STXBP4: variants seen among roughly 807,000 people sequenced by gnomAD.
The protein encoded by STXBP4 is syntaxin-binding protein 4.
STXBP4 carries 55 observed loss-of-function variants against 76.1 expected under a neutral mutation model. The ratio of observed to expected loss-of-function variants is 0.72; its 90% confidence interval spans 0.58 to 0.91. The LOEUF is 0.91. STXBP4 is among the 40% of genes least tolerant of loss of function. STXBP4 has a pLI of 0.00. For synonymous variants in STXBP4, 201 were observed against 220.2 expected (o/e 0.91, Z 0.77); for missense variants, 618 against 636.9 (o/e 0.97, Z 0.32).
At chr17:55,078,831 C>A in intron 15 of STXBP4, 96 bp downstream of exon 15, 2 of 728,760 alleles carry the variant, frequency 2.7e-6, no homozygotes, top group Non-Finnish European at 4.9e-6. Context: ...CTTAAATAGT[C>A]CTAAGGTGCT....
At chr17:55,062,587 G>A (rs951837663) in intron 12 of STXBP4, among the ~76,000 whole-genome samples, 19 of 152,158 alleles carry the variant, frequency 1.2e-4, no homozygotes, top group Admixed American at 6.5e-5. Flanking sequence ...ATAGTAGAAT[G>A]ATTTATAATC....
rs754102876 is a variant in STXBP4, at chr17:54,999,697, T to G, written c.353T>G (p.Leu118Arg). The G allele has an allele frequency of 1.1e-5, 18 of 1,613,652 alleles. No homozygotes were observed. The African/African-American group carries it at 1.9e-4, about 17-fold the overall frequency. The change falls in exon 6 of 18, where the codon CTG (leucine) becomes CGG (arginine). Residue 118 changes from leucine to arginine, a missense_variant. Transcript: ENST00000376352. Reference protein sequence around the residue: ...QKSDNIQPENLSCTSLIEASG... With the variant: ...QKSDNIQPENRSCTSLIEASG... ...TCCGACAACATTCAGCCAGAAAATC[T>G]GTCATGTACATCACTTATAGAAGCT...
intron 12 of STXBP4, among the ~76,000 whole-genome samples, chr17:55,068,916 G>A (rs1041155559): frequency 3.9e-5 from 6 of 152,058 alleles, no homozygotes; most frequent in Non-Finnish European, 4.4e-5. Context: ...TGGGGGAAAA[G>A]TACTGTATGT....
downstream of STXBP4, among the ~76,000 whole-genome samples, chr17:55,174,520 C>T (rs1452916355): frequency 6.6e-6 from 1 of 152,040 alleles, no homozygotes; most frequent in Non-Finnish European, 1.5e-5. Flanking sequence ...AATATTTTGC[C>T]CATTTTTTTA....
intron 16 of STXBP4, among the ~76,000 whole-genome samples, chr17:55,114,798 C>G (rs2079761885): frequency 6.6e-6 from 1 of 151,758 alleles, no homozygotes; most frequent in Non-Finnish European, 1.5e-5. Context: ...CAAAAAGAAG[C>G]CCTAAGTTCT....
rs115712434 is a variant in STXBP4, at chr17:55,124,750, T to G, written c.1490-16560T>G. 9.8e-3 allele frequency among the ~76,000 whole-genome samples: 1,486 copies of G among 152,320 alleles called. 21 individuals carry two copies. Among genetic ancestry groups the G allele is most frequent in the African/African-American group, 0.034 (1,395 of 41,556 alleles). On this transcript the variant is annotated intron_variant, in intron 16 of 17. Transcript: ENST00000376352. ...CCTGAGAGGCTTAAACAACAAAATT[T>G]TATTTCTCACAATTCTGGAGACTAG...
chr17:55,036,836 T>C (rs892054675), intron 10 of STXBP4, among the ~76,000 whole-genome samples: 1 of 152,122 alleles, frequency 6.6e-6, no homozygotes, highest in Non-Finnish European at 1.5e-5. Flanking sequence ...AGTGATATGC[T>C]TTACTGACAG....
At chr17:55,152,793 A>G (rs2080230682) in intron 17 of STXBP4, among the ~76,000 whole-genome samples, 1 of 152,200 alleles carries the variant, frequency 6.6e-6, no homozygotes, top group Non-Finnish European at 1.5e-5. Flanking sequence ...TTGGGTGGGT[A>G]CACAGAGCCA....
At chr17:55,200,998 G>GTC in the STXBP4 span, among the ~76,000 whole-genome samples, 9 of 151,912 alleles carry the variant, frequency 5.9e-5, no homozygotes, top group African/African-American at 1.9e-4. Context: ...ATATTTTTTT[G>GTC]TCTCTCTCTC....
chr17:55,161,701 T>C lies in STXBP4; in HGVS notation c.*1790T>C, dbSNP rs921852765. 1.3e-5 allele frequency: 2 copies of C among 152,202 alleles called. No homozygotes were observed. The highest frequency in any genetic ancestry group is 4.8e-5 in the African/African-American group (2 of 41,442). The allele number at this position is 152,202 out of a possible 1,614,324, so 9.4% of individuals were successfully genotyped here. On this transcript the variant is annotated 3_prime_UTR_variant, in exon 18 of 18. Transcript: ENST00000376352. ...GTGAAAAAGGCCTAAACAATTGTAA[T>C]GATATTATTTATTGGGCATTTTGTG...
At chr17:55,070,545 T>A (rs2079107501) in intron 12 of STXBP4, among the ~76,000 whole-genome samples, 1 of 152,180 alleles carries the variant, frequency 6.6e-6, no homozygotes, top group East Asian at 1.9e-4. Flanking sequence ...TAGAAGGCAA[T>A]TGGTTGGCCA....
Position 55,046,266 on chromosome 17 carries a change from A to G in STXBP4, c.946-823A>G, listed in dbSNP as rs556014623. On this transcript the variant is annotated intron_variant, in intron 11 of 17. Coordinates refer to ENST00000376352, the MANE Select transcript of STXBP4 (RefSeq NM_178509.6). ...GTCTCTTGGCTCCTGTGGCATAGTC[A>G]TTAGATTGCCATATTATATTCATTT... is the stretch of plus-strand genomic sequence containing the variant. Among the ~76,000 whole-genome samples the G allele has an allele frequency of 6.6e-5, 10 of 152,126 alleles. No homozygotes were observed. In the South Asian group the frequency reaches 1.9e-3, roughly 28 times the overall value.
chr17:55,063,394 C>T (rs1246041842), intron 12 of STXBP4, among the ~76,000 whole-genome samples: 1 of 152,138 alleles, frequency 6.6e-6, no homozygotes, highest in Non-Finnish European at 1.5e-5. Flanking sequence ...TCATAGGAAC[C>T]TTCCAGTTCA....
At chr17:55,047,996 T>C (rs1243305876) in intron 12 of STXBP4, among the ~76,000 whole-genome samples, 2 of 151,772 alleles carry the variant, frequency 1.3e-5, no homozygotes, top group East Asian at 3.8e-4. Flanking sequence ...ATGAATTAGA[T>C]GAAGAACAAA....
chr17:55,115,836 A>G (rs1283572183), intron 16 of STXBP4, among the ~76,000 whole-genome samples: 2 of 151,880 alleles, frequency 1.3e-5, no homozygotes, highest in Non-Finnish European at 3.0e-5. Flanking sequence ...ATCCTCCAGC[A>G]TCTAGGGTTA....
In STXBP4 at chr17:55,159,843, C is replaced by T. The variant is rs777329752; in HGVS notation, c.1594C>T (p.Leu532=). 1 of 1,613,860 alleles carries T rather than the reference C, an allele frequency of 6.2e-7. No individual in the cohort carries two copies. The highest frequency in any genetic ancestry group is 1.3e-5 in the African/African-American group (1 of 75,012). The part of the protein sequence containing the change: ...TSWIHPVMSV[L]NLSRSEENEE... ...CTGGATCCATCCCGTGATGAGTGTCCTGAATCTATCTCGCTCAGAGGAGAA... is the reference window on the plus strand; with the variant it reads ...CTGGATCCATCCCGTGATGAGTGTCTTGAATCTATCTCGCTCAGAGGAGAA... Residue 532 remains leucine (L), a synonymous_variant, in exon 18 of 18, where the codon CTG becomes TTG. Transcript: ENST00000376352.
At chr17:55,145,551 T>C (rs1196114627) in intron 17 of STXBP4, among the ~76,000 whole-genome samples, 3 of 152,236 alleles carry the variant, frequency 2.0e-5, no homozygotes, top group African/African-American at 4.8e-5. Context: ...ATAATCCTCA[T>C]TGACTATCCC....
intron 16 of STXBP4, among the ~76,000 whole-genome samples, chr17:55,119,522 T>G (rs542549472): frequency 6.6e-6 from 1 of 152,160 alleles, no homozygotes; most frequent in Admixed American, 6.6e-5. Context: ...ATATTTTTAG[T>G]ATGATTTCTG....
intron 1 of STXBP4, among the ~76,000 whole-genome samples, chr17:54,969,028 T>A (rs112620788): frequency 2.0e-5 from 3 of 152,332 alleles, no homozygotes; most frequent in African/African-American, 7.2e-5. Context: ...CTGGGGTCCC[T>A]TGGCCGCTGG....
Sources: allele counts gnomAD v4.1 joint callset (sites outside exome capture counted in the v4.1 genomes callset), GRCh38; gene constraint gnomAD v4.1.1; transcripts MANE v1.5; gene names NCBI Gene and HGNC (gene_info 2026-07-23, HGNC 2026-07-21).